The following NFATC2 variants were observed in gnomAD, a reference collection of about 807,000 sequenced individuals.
NFATC2 encodes nuclear factor of activated T cells 2.
NFATC2 carries 22 observed loss-of-function variants against 87.3 expected under a neutral mutation model. The ratio of observed to expected loss-of-function variants is 0.25; its 90% CI spans 0.18 to 0.36. NFATC2 has a LOEUF of 0.36. Ranked by LOEUF, NFATC2 falls within the 10% of genes least tolerant of loss-of-function variation. The pLI, the probability that NFATC2 is intolerant of heterozygous loss-of-function variation, is 1.00. For synonymous variants in NFATC2, 565 were observed against 542.2 expected, an observed-to-expected ratio of 1.04 and a Z score of -0.58; for missense variants, 1,149 against 1,259.1, an observed-to-expected ratio of 0.91 and a Z score of 1.32.
intron 3 of NFATC2, among the ~76,000 whole-genome samples, chr20:51,481,695 A>C (rs575651950): frequency 7.2e-4 from 110 of 152,142 alleles, no homozygotes; most frequent in African/African-American, 2.6e-3. Flanking sequence ...CAAGAAGCCA[A>C]CTGCAGGCTT....
chr20:51,401,434 C>CA (rs936477175), intron 9 of NFATC2, among the ~76,000 whole-genome samples: 1 of 152,110 alleles, frequency 6.6e-6, no homozygotes, highest in African/African-American at 2.4e-5. Flanking sequence ...GAGAAAGAGA[C>CA]AAAGACCAGT....
At chr20:51,394,881 G>GC (rs1049227311) in intron 10 of NFATC2, among the ~76,000 whole-genome samples, 1 of 152,144 alleles carries the variant, frequency 6.6e-6, no homozygotes, top group African/African-American at 2.4e-5. Flanking sequence ...CCTGGAAGCC[G>GC]CCCCACATTC....
Position 51,477,535 on chromosome 20 carries a change from CTATATATATATATATATA to C in NFATC2, c.1333-1893_1333-1876del, listed in dbSNP as rs11467129. On this transcript the variant is annotated intron_variant, in intron 3 of 10. Transcript: ENST00000371564. ...TATATATACATATGTGTGTGTGTGTCTATATATATATATATATATATATATATATATATATATATATAT... is the reference window on the plus strand; with the variant it reads ...TATATATACATATGTGTGTGTGTGTCTATATATATATATATATATATATAT... Among the ~76,000 whole-genome samples the C allele has an allele frequency of 9.9e-4, 72 of 72,726 alleles. 3 individuals carry two copies. The highest frequency in any genetic ancestry group is 8.8e-3 in the South Asian group (17 of 1,932). 47.7% of individuals were successfully genotyped at this position (72,726 alleles called of 152,430 possible).
intron 9 of NFATC2, among the ~76,000 whole-genome samples, chr20:51,416,221 C>T (rs1317389198): frequency 4.6e-5 from 7 of 152,056 alleles, no homozygotes; most frequent in African/African-American, 1.5e-4. Context: ...GAGATCACAC[C>T]GCTGCACTCC....
intron 9 of NFATC2, among the ~76,000 whole-genome samples, chr20:51,414,092 G>A (rs1015969027): frequency 6.6e-6 from 1 of 152,148 alleles, no homozygotes; most frequent in Non-Finnish European, 1.5e-5. Flanking sequence ...CAAATATTGG[G>A]TGAGCACCTT....
chr20:51,526,017 G>A (rs1257009189), intron 1 of NFATC2, among the ~76,000 whole-genome samples: 1 of 142,348 alleles, frequency 7.0e-6, no homozygotes, highest in Non-Finnish European at 1.5e-5. Context: ...CAGACGCCTT[G>A]GGTTCCCTCT....
At chr20:51,437,779 C>T (rs1263686534) in intron 6 of NFATC2, among the ~76,000 whole-genome samples, 1 of 152,200 alleles carries the variant, frequency 6.6e-6, no homozygotes, top group Non-Finnish European at 1.5e-5. Context: ...CTGACTCTCA[C>T]TCTAGTGTCC....
At chr20:51,397,048 TG>T (rs11479747) in intron 10 of NFATC2, among the ~76,000 whole-genome samples, 99,332 of 151,824 alleles carry the variant, frequency 0.65, 34,230 homozygotes, top group African/African-American at 0.89. Flanking sequence ...CCTGCCACCA[TG>T]GCCCGGCTAA....
At chr20:51,519,357 T>C (rs1297320125) in intron 2 of NFATC2, among the ~76,000 whole-genome samples, 1 of 151,330 alleles carries the variant, frequency 6.6e-6, no homozygotes, top group African/African-American at 2.4e-5. Flanking sequence ...AGCATGCCTG[T>C]AATCCCAGCA....
chr20:51,524,057 C>T lies in NFATC2; in HGVS notation c.184G>A (p.Asp62Asn), dbSNP rs752617587. Residue 62 changes from aspartate to asparagine, a missense_variant, in exon 2 of 11, where the codon GAT becomes AAT. By Grantham distance (23) the Asp-to-Asn change is conservative (BLOSUM62 1). Coordinates refer to ENST00000371564, the MANE Select transcript of NFATC2 (RefSeq NM_012340.5). This position sits in a 1 kb window ranked among gnomAD's most constrained non-coding sequence, Gnocchi z 4.0. The stretch of plus-strand genomic sequence containing the variant: ...TTGAGGCCATAGTCCAGGACATCAT[C>T]GGGGTATGCGGGTCCGGAGGGTGGG... ...ASPPSGPAYP[D>N]DVLDYGLKPY... The T allele has an allele frequency of 8.0e-6, 12 of 1,501,408 alleles. No individual in the cohort carries two copies. The South Asian group carries it at 1.5e-4, about 19-fold the overall frequency. 93.0% of individuals were successfully genotyped at this position (1,501,408 alleles called of 1,614,324 possible). A position where few individuals can be genotyped will look rare whatever the true frequency, so the allele number is the denominator to read the frequency against.
At chr20:51,497,220 G>A (rs1394899199) in intron 3 of NFATC2, among the ~76,000 whole-genome samples, 8 of 152,322 alleles carry the variant, frequency 5.3e-5, no homozygotes, top group South Asian at 2.1e-4. Context: ...CAAGGCAAGC[G>A]CAGCAATGTG....
At chr20:51,542,962 C>G (rs2076850799), upstream of NFATC2, among the ~76,000 whole-genome samples, 1 of 152,100 alleles carries the variant, frequency 6.6e-6, no homozygotes. Context: ...GTGCGACACG[C>G]GCTGCGCGAA....
At chr20:51,486,280 G>A (rs763530692) in intron 3 of NFATC2, among the ~76,000 whole-genome samples, 7 of 151,094 alleles carry the variant, frequency 4.6e-5, no homozygotes, top group Non-Finnish European at 8.8e-5. Flanking sequence ...TCAGACCCCC[G>A]CCCATATCAC....
intron 1 of NFATC2, among the ~76,000 whole-genome samples, chr20:51,525,913 C>G (rs1202566547): frequency 2.0e-5 from 3 of 148,092 alleles, no homozygotes; most frequent in African/African-American, 5.0e-5. Flanking sequence ...TGTGCCCCGG[C>G]CTGCCACCCA....
intron 1 of NFATC2, among the ~76,000 whole-genome samples, chr20:51,548,484 G>C (rs573799305): frequency 6.6e-6 from 1 of 152,160 alleles, no homozygotes; most frequent in East Asian, 1.9e-4. Context: ...GATATCTAGG[G>C]TTGCCAAGTT....
intron 6 of NFATC2, chr20:51,452,803 G>A (rs554925923): frequency 1.2e-4 from 18 of 153,628 alleles, no homozygotes; most frequent in Middle Eastern, 2.0e-3. Context: ...GAGCACTTCC[G>A]GTGCTAAGCC....
upstream of NFATC2, among the ~76,000 whole-genome samples, chr20:51,546,824 A>G (rs757677575): frequency 3.3e-5 from 5 of 152,202 alleles, no homozygotes; most frequent in Non-Finnish European, 5.9e-5. Flanking sequence ...TAGGGAGGCG[A>G]TGTTTAAGCT....
chr20:51,419,456 T>G (rs1269954857), intron 9 of NFATC2, among the ~76,000 whole-genome samples: 1 of 152,192 alleles, frequency 6.6e-6, no homozygotes, highest in Non-Finnish European at 1.5e-5. Context: ...AGGAGCCATC[T>G]TGGATGACTC....
At chr20:51,507,462 T>C (rs560118946) in intron 3 of NFATC2, among the ~76,000 whole-genome samples, 3 of 152,314 alleles carry the variant, frequency 2.0e-5, no homozygotes, top group African/African-American at 7.2e-5. Context: ...AAAAGTGATC[T>C]ATGTCTAGAT....
Sources: gnomAD v4.1 joint callset for allele counts (sites outside exome capture counted in the v4.1 genomes callset) on GRCh38, gnomAD v4.1.1 for gene constraint, Gnocchi (gnomAD v3.1) non-coding constraint, MANE v1.5 for transcripts, NCBI Gene and HGNC (gene_info 2026-07-23, HGNC 2026-07-21) for gene names.